Variants in CRAMP1 observed in about 807,000 individuals in gnomAD.
CRAMP1 encodes the protein cramped chromatin regulator 1.
CRAMP1 carries 50 observed loss-of-function variants against 115.4 expected under a neutral mutation model. The ratio of observed to expected loss-of-function variants is 0.43; its 90% confidence interval spans 0.35 to 0.55. The LOEUF (loss-of-function observed/expected upper bound fraction) is 0.55. Ranked by LOEUF, CRAMP1 falls within the 20% of genes least tolerant of loss-of-function variation. The probability of loss-of-function intolerance (pLI) is 0.01; values close to 1 mark genes in which losing one functional copy is unlikely to be tolerated. For synonymous variants in CRAMP1, 866 were observed against 745.4 expected (o/e 1.16, Z -2.64); for missense variants, 1,679 against 1,721.7 (o/e 0.98, Z 0.44).
At chr16:1,650,372 C>T (rs962108262) in intron 6 of CRAMP1, among the ~76,000 whole-genome samples, 3 of 152,220 alleles carry the variant, frequency 2.0e-5, no homozygotes, top group Non-Finnish European at 4.4e-5. Context: ...ACGCAGCACT[C>T]GCTTCAGACT....
At chr16:1,641,897 A>G (rs1199340468) in intron 6 of CRAMP1, among the ~76,000 whole-genome samples, 2 of 146,320 alleles carry the variant, frequency 1.4e-5, no homozygotes, top group Non-Finnish European at 1.5e-5. Flanking sequence ...CCCACTCTGG[A>G]GCCTGGGGGG....
Position 1,656,992 on chromosome 16 carries a change from G to T in CRAMP1, c.2235G>T (p.Leu745=). 1 of 1,517,796 alleles carries T rather than the reference G, an allele frequency of 6.6e-7. No individual in the cohort carries two copies. The highest frequency in any genetic ancestry group is 2.4e-5 in the East Asian group (1 of 42,128). 94.0% of individuals were successfully genotyped at this position (1,517,796 alleles called of 1,614,324 possible). A position where few individuals can be genotyped will look rare whatever the true frequency, so the allele number is the denominator to read the frequency against. The change falls in exon 10 of 21, where the codon CTG becomes CTT. Residue 745 remains leucine (L), a splice_region_variant and synonymous_variant. Transcript: ENST00000397412. This position sits in a 1 kb window ranked among gnomAD's most constrained non-coding sequence, Gnocchi z 5.6. ...KLISTEVNPK[L]ALEANTISTA... ...TTTCCACCGAGGTCAACCCCAAGCT[G>T]GTGAGTGGGTTGGAGCCCAGCCCCT... is the stretch of plus-strand genomic sequence containing the variant.
rs1158135319 is a variant in CRAMP1 at position 1,666,607 on chromosome 16, A to G, written c.3036+7A>G. 2.5e-6 allele frequency: 4 copies of G among 1,612,868 alleles called. No homozygotes were observed. Among genetic ancestry groups the G allele is most frequent in the Non-Finnish European group, 3.4e-6 (4 of 1,179,120 alleles). ...CACCCTCCCCACCGTGGGGGTGAGT[A>G]TGTTTAGAAGGGCTTTTCAGCATTA... On this transcript the variant is annotated splice_region_variant and intron_variant, in intron 16 of 20. Coordinates refer to ENST00000397412, the MANE Select transcript of CRAMP1 (RefSeq NM_020825.4). The surrounding 1 kb of genome is among the most constrained non-coding windows in gnomAD (Gnocchi z 5.0).
intron 8 of CRAMP1, 64 bp downstream of exon 8, chr16:1,653,220 G>C (rs979130735): frequency 1.3e-6 from 2 of 1,555,638 alleles, no homozygotes; most frequent in Non-Finnish European, 1.7e-6. Context: ...AGCAACGTGT[G>C]TGAGTTTCCC....
At chr16:1,667,564 A>G in intron 17 of CRAMP1, 164 bp downstream of exon 17, 1 of 648,828 alleles carries the variant, frequency 1.5e-6, no homozygotes, top group Admixed American at 2.3e-5. Context: ...GGGTGGATAA[A>G]TGAATATGGC....
Position 1,677,611 on chromosome 16 carries a change from T to TC in CRAMP1, c.*3570dup. ...CCTGGCCCTGCCTCCCGCGCCCCGC[T>TC]CCCCTTCTCTCTCTTACTCGGTTAA... is the stretch of plus-strand genomic sequence containing the variant. On this transcript the variant is annotated 3_prime_UTR_variant, in exon 21 of 21. Coordinates refer to ENST00000397412, the MANE Select transcript of CRAMP1 (RefSeq NM_020825.4). The TC allele has an allele frequency of 6.5e-6, 1 of 152,800 alleles. No homozygotes were observed. The allele number at this position is 152,800 out of a possible 1,614,324, so 9.5% of individuals were successfully genotyped here. A position where few individuals can be genotyped will look rare whatever the true frequency, so the allele number is the denominator to read the frequency against.
rs1288883488 is a variant in CRAMP1 at position 1,612,658 on chromosome 16, G to C, written c.-2+1G>C. On this transcript the variant is annotated splice_donor_variant, in intron 1 of 20. Coordinates refer to ENST00000397412, the MANE Select transcript of CRAMP1 (RefSeq NM_020825.4). LOFTEE classifies it low-confidence loss of function (5UTR_SPLICE). Reference sequence around the variant, plus strand: ...CTGCCGCCCGGCGTTGATGAAAAAGGTGACCAAGGCTGGGCGGCGGGGCTG... The same window carrying C: ...CTGCCGCCCGGCGTTGATGAAAAAGCTGACCAAGGCTGGGCGGCGGGGCTG... 6.6e-6 allele frequency among the ~76,000 whole-genome samples: 1 copy of C among 151,940 alleles called. No homozygotes were observed. The highest frequency in any genetic ancestry group is 1.5e-5 in the Non-Finnish European group (1 of 67,932).
At chr16:1,653,250 A>G in intron 8 of CRAMP1, 94 bp downstream of exon 8, 6 of 1,431,560 alleles carry the variant, frequency 4.2e-6, no homozygotes, top group Non-Finnish European at 5.7e-6. Flanking sequence ...TTCCAGGAGA[A>G]GCAGGTCCAC....
Position 1,614,789 on chromosome 16 carries a change from G to A in CRAMP1, c.150G>A (p.Lys50=). The A allele has an allele frequency of 4.5e-6, 6 of 1,342,898 alleles. No individual in the cohort carries two copies. The highest frequency in any genetic ancestry group is 2.1e-5 in the South Asian group (1 of 48,422). The allele number at this position is 1,342,898 out of a possible 1,614,324, so 83.2% of individuals were successfully genotyped here. The change falls in exon 2 of 21, where the codon AAG becomes AAA. Residue 50 remains lysine (K), a synonymous_variant. Transcript: ENST00000397412. The surrounding 1 kb of genome is among the most constrained non-coding windows in gnomAD (Gnocchi z 4.4). ...GCAGCGGCACAAAGAGGGACGAGAA[G>A]ACCCCCCGGGCCGGCGCCGACGGCC... ...EESSGTKRDE[K]TPRAGADGPP...
chr16:1,669,138 A>G lies in CRAMP1; in HGVS notation c.3472A>G (p.Thr1158Ala). The change falls in exon 19 of 21, where the codon ACC becomes GCC. Residue 1158 changes from threonine (T) to alanine (A), a missense_variant. By Grantham distance (58) the Thr-to-Ala change is moderately conservative. This residue lies in a region of CRAMP1 where 709 missense variants were observed against 741.9 expected (regional missense o/e 0.96). Transcript: ENST00000397412. This position sits in a 1 kb window ranked among gnomAD's most constrained non-coding sequence, Gnocchi z 4.6. ...HDPQWYPSDSTDSSLSSLFAS... is the reference protein window; with the variant it reads ...HDPQWYPSDSADSSLSSLFAS... The stretch of plus-strand genomic sequence containing the variant: ...CCCCCAGTGGTACCCCAGTGACTCC[A>G]CCGACTCCTCGCTCAGCAGCCTGTT... The G allele has an allele frequency of 1.2e-6, 2 of 1,605,238 alleles. No homozygotes were observed. Among genetic ancestry groups the G allele is most frequent in the Non-Finnish European group, 1.7e-6 (2 of 1,175,582 alleles).
At chr16:1,640,965 G>A (rs980780846) in intron 5 of CRAMP1, among the ~76,000 whole-genome samples, 174 bp from the exon 6 acceptor site, 4 of 152,204 alleles carry the variant, frequency 2.6e-5, no homozygotes, top group Non-Finnish European at 5.9e-5. Context: ...CAGCTGACTC[G>A]AAGGTGTGAC....
At chr16:1,619,182 G>A (rs1020320833) in intron 2 of CRAMP1, among the ~76,000 whole-genome samples, 9 of 152,196 alleles carry the variant, frequency 5.9e-5, no homozygotes, top group Admixed American at 3.3e-4. Flanking sequence ...TTTGTTTTTT[G>A]TTTTTGTTTT....
At chr16:1,663,382 T>G (rs2036848980) in intron 13 of CRAMP1, among the ~76,000 whole-genome samples, 1 of 152,222 alleles carries the variant, frequency 6.6e-6, no homozygotes, top group South Asian at 2.1e-4. Flanking sequence ...ATGCACAGGT[T>G]TCCTTTTGTT....
Position 1,666,292 on chromosome 16 carries a change from C to A in CRAMP1, c.2857+115C>A. The A allele has an allele frequency of 8.4e-7, 1 of 1,188,714 alleles. No homozygotes were observed. Among genetic ancestry groups the A allele is most frequent in the Non-Finnish European group, 1.2e-6 (1 of 824,732 alleles). 73.6% of individuals were successfully genotyped at this position (1,188,714 alleles called of 1,614,324 possible). ...ATCATAATGTCTCATTACCCTTCACCAAGAACATCTAAGCCCTTGGCTCTT... is the reference window on the plus strand; with the variant it reads ...ATCATAATGTCTCATTACCCTTCACAAAGAACATCTAAGCCCTTGGCTCTT... On this transcript the variant is annotated intron_variant, in intron 15 of 20. Transcript: ENST00000397412. The surrounding 1 kb of genome is among the most constrained non-coding windows in gnomAD (Gnocchi z 5.0).
At chr16:1,652,055 A>G (rs2036728809) in intron 6 of CRAMP1, among the ~76,000 whole-genome samples, 1 of 152,114 alleles carries the variant, frequency 6.6e-6, no homozygotes, top group African/African-American at 2.4e-5. Flanking sequence ...CTGAGAGGTC[A>G]CGGAGAGGTA....
intron 19 of CRAMP1, 118 bp from the exon 20 acceptor site, chr16:1,670,546 T>TGGGGCC (rs1244890333): frequency 2.9e-5 from 31 of 1,086,888 alleles, no homozygotes; most frequent in Admixed American, 4.4e-5. Flanking sequence ...AAGTCTGGAT[T>TGGGGCC]GGGGCCGGGG....
chr16:1,642,441 C>T (rs1453303267), intron 6 of CRAMP1, among the ~76,000 whole-genome samples: 3 of 152,372 alleles, frequency 2.0e-5, no homozygotes, highest in South Asian at 4.1e-4. Context: ...CCAGAAAGTG[C>T]AGCCAGCTTG....
intron 2 of CRAMP1, among the ~76,000 whole-genome samples, chr16:1,616,527 A>G (rs1241312079): frequency 6.6e-6 from 1 of 152,202 alleles, no homozygotes; most frequent in Non-Finnish European, 1.5e-5. Context: ...TTGTATGTAT[A>G]AGTGAAGTGC....
intron 13 of CRAMP1, among the ~76,000 whole-genome samples, chr16:1,664,648 G>A (rs1286354514): frequency 6.6e-6 from 1 of 152,098 alleles, no homozygotes; most frequent in African/African-American, 2.4e-5. Context: ...GCGTGATGGC[G>A]AGTGCCTATA....
Sources: gnomAD v4.1 joint callset for allele counts (sites outside exome capture counted in the v4.1 genomes callset) on GRCh38, gnomAD v4.1.1 for gene constraint, gnomAD v4.1.1 regional missense constraint, Gnocchi (gnomAD v3.1) non-coding constraint, MANE v1.5 for transcripts, NCBI Gene and HGNC (gene_info 2026-07-23, HGNC 2026-07-21) for gene names.